Variants in NDUFAF2 observed in about 807,000 individuals in gnomAD.
NDUFAF2 encodes the protein NADH dehydrogenase [ubiquinone] 1 alpha subcomplex assembly factor 2.
In NDUFAF2, 13 loss-of-function variants were observed where a neutral mutation model predicts 22.8. The observed-to-expected ratio is 0.57, with a 90% CI of 0.37 to 0.91. NDUFAF2 has a LOEUF of 0.91. Ranked by LOEUF, NDUFAF2 falls within the 40% of genes least tolerant of loss-of-function variation. The pLI, the probability that NDUFAF2 is intolerant of heterozygous loss-of-function variation, is 0.01. For missense variants in NDUFAF2, 162 were observed against 195.2 expected, an observed-to-expected ratio of 0.83 and a Z score of 1.01; for synonymous variants, 53 against 64.2, an observed-to-expected ratio of 0.83 and a Z score of 0.84.
chr5:61,018,611 TTTTA>T (rs1751541485), intron 1 of NDUFAF2, among the ~76,000 whole-genome samples: 1 of 152,146 alleles, frequency 6.6e-6, no homozygotes, highest in Non-Finnish European at 1.5e-5. Context: ...TAAAATGTAT[TTTTA>T]TTTATTCAAT....
intron 1 of NDUFAF2, among the ~76,000 whole-genome samples, chr5:61,006,590 C>T (rs1751369772): frequency 6.6e-6 from 1 of 152,114 alleles, no homozygotes; most frequent in Non-Finnish European, 1.5e-5. Flanking sequence ...AATGTTCTTC[C>T]ATTTGTTTGT....
chr5:61,145,978 T>C (rs1230602979), intron 3 of NDUFAF2: 1 of 152,230 alleles, frequency 6.6e-6, no homozygotes, highest in East Asian at 1.9e-4. Context: ...AAGGCCATTG[T>C]TGATACACTG....
chr5:61,070,809 C>T (rs1297420111), intron 1 of NDUFAF2, among the ~76,000 whole-genome samples: 2 of 152,078 alleles, frequency 1.3e-5, no homozygotes, highest in Non-Finnish European at 2.9e-5. Flanking sequence ...ATCCTCTCCC[C>T]ATGTGCTAAA....
chr5:61,006,181 C>A (rs562164622), intron 1 of NDUFAF2, among the ~76,000 whole-genome samples: 7 of 152,226 alleles, frequency 4.6e-5, no homozygotes, highest in African/African-American at 1.7e-4. Context: ...TTTCCCAGCA[C>A]CATTTATTAA....
At chr5:60,964,439 A>G (rs892300569) in intron 1 of NDUFAF2, among the ~76,000 whole-genome samples, 4 of 151,748 alleles carry the variant, frequency 2.6e-5, no homozygotes, top group Non-Finnish European at 4.4e-5. Flanking sequence ...TAGCACTTAC[A>G]AAGTGTACAA....
intron 3 of NDUFAF2, among the ~76,000 whole-genome samples, chr5:61,138,508 C>T (rs552515692): frequency 2.0e-5 from 3 of 152,188 alleles, no homozygotes; most frequent in African/African-American, 4.8e-5. Flanking sequence ...CCCCCCAGAT[C>T]GTGCCCACTG....
rs936666004 is a variant in NDUFAF2 at position 61,131,363 on chromosome 5, G to T, written c.259-21341G>T. Among the ~76,000 whole-genome samples, 3 of 151,588 alleles carry T rather than the reference G, an allele frequency of 2.0e-5. 1 individual carries two copies. Among genetic ancestry groups the T allele is most frequent in the South Asian group, 4.2e-4 (2 of 4,812 alleles). ...GCTAATTGTGTTGTTTTTTTGGGGG[G>T]TTTTTTGGTTTGTTTTTTATGTTTG... On this transcript the variant is annotated intron_variant, in intron 3 of 3. Transcript: ENST00000296597.
Position 61,090,246 on chromosome 5 carries a change from G to A in NDUFAF2, c.218-8746G>A, listed in dbSNP as rs150758810. The stretch of plus-strand genomic sequence containing the variant: ...TGGCAAACTTTTTCTTTAAAGGTCC[G>A]GATGGTAAATATTTTAGGTTTTTTA... On this transcript the variant is annotated intron_variant, in intron 2 of 3. Transcript: ENST00000296597. 4.1e-3 allele frequency among the ~76,000 whole-genome samples: 620 copies of A among 152,026 alleles called. 2 individuals carry two copies. Among genetic ancestry groups the A allele is most frequent in the Non-Finnish European group, 6.5e-3 (439 of 67,948 alleles).
At chr5:60,988,486 A>T (rs1033214644) in intron 1 of NDUFAF2, among the ~76,000 whole-genome samples, 1 of 152,212 alleles carries the variant, frequency 6.6e-6, no homozygotes, top group African/African-American at 2.4e-5. Context: ...TCCTAAGCTT[A>T]AAGAACAAAC....
intron 1 of NDUFAF2, among the ~76,000 whole-genome samples, chr5:61,040,286 A>ACACACACACGCGCGCGCG (rs1491193758): frequency 2.6e-4 from 24 of 93,070 alleles, no homozygotes; most frequent in African/African-American, 3.5e-4. Context: ...ACACACACAC[A>ACACACACACGCGCGCGCG]CGCGCGCGCG....
intron 3 of NDUFAF2, among the ~76,000 whole-genome samples, chr5:61,132,406 C>A (rs1332565377): frequency 6.6e-6 from 1 of 152,138 alleles, no homozygotes; most frequent in Non-Finnish European, 1.5e-5. Flanking sequence ...TTCCCTCCCC[C>A]ACCTCCTTTG....
At chr5:61,003,109 C>T (rs907729201) in intron 1 of NDUFAF2, among the ~76,000 whole-genome samples, 3 of 152,080 alleles carry the variant, frequency 2.0e-5, no homozygotes, top group Non-Finnish European at 4.4e-5. Flanking sequence ...TGTTAGCATG[C>T]TATTAACAGA....
intron 1 of NDUFAF2, among the ~76,000 whole-genome samples, chr5:61,037,889 G>C (rs896880369): frequency 3.3e-5 from 5 of 151,856 alleles, no homozygotes; most frequent in Non-Finnish European, 5.9e-5. Context: ...GATCATTTAA[G>C]AACAATTGTT....
At chr5:61,058,948 G>T (rs1423226552) in intron 1 of NDUFAF2, among the ~76,000 whole-genome samples, 4 of 151,986 alleles carry the variant, frequency 2.6e-5, no homozygotes, top group African/African-American at 4.8e-5. Context: ...TTGGAGAGTA[G>T]ATCAGGTGTA....
chr5:60,996,914 A>G (rs1751235585), intron 1 of NDUFAF2, among the ~76,000 whole-genome samples: 1 of 152,134 alleles, frequency 6.6e-6, no homozygotes, highest in Non-Finnish European at 1.5e-5. Context: ...CGGGATATGA[A>G]GTTCAAACCA....
At chr5:61,074,351 G>A (rs1752339494) in intron 2 of NDUFAF2, among the ~76,000 whole-genome samples, 1 of 152,194 alleles carries the variant, frequency 6.6e-6, no homozygotes, top group Non-Finnish European at 1.5e-5. Context: ...CACTTTGGGA[G>A]GCCAAGGCGG....
At chr5:61,130,295 T>G (rs1753092804) in intron 3 of NDUFAF2, among the ~76,000 whole-genome samples, 1 of 152,094 alleles carries the variant, frequency 6.6e-6, no homozygotes, top group South Asian at 2.1e-4. Context: ...GGGTACAAGT[T>G]CCCAACTTTT....
chr5:61,008,512 A>T (rs1751402329), intron 1 of NDUFAF2, among the ~76,000 whole-genome samples: 1 of 152,088 alleles, frequency 6.6e-6, no homozygotes, highest in African/African-American at 2.4e-5. Flanking sequence ...AATGTTCAAA[A>T]CAATCTCAAG....
chr5:61,086,408 ATC>A (rs1010745392), intron 2 of NDUFAF2, among the ~76,000 whole-genome samples: 20 of 152,152 alleles, frequency 1.3e-4, no homozygotes, highest in African/African-American at 4.6e-4. Context: ...CTTAATATAA[ATC>A]TACATTTATC....
Sources: gnomAD v4.1 joint callset for allele counts (sites outside exome capture counted in the v4.1 genomes callset) on GRCh38, gnomAD v4.1.1 for gene constraint, MANE v1.5 for transcripts, NCBI Gene and HGNC (gene_info 2026-07-23, HGNC 2026-07-21) for gene names.